Variants in LIPI observed in about 807,000 individuals in gnomAD.
LIPI encodes the protein lipase I, also known as lipase member I.
Under a neutral mutation model 50.6 loss-of-function variants are expected in LIPI, and 59 were observed. That is an observed-to-expected ratio of 1.16 (90% CI 0.94 to 1.45). The LOEUF (loss-of-function observed/expected upper bound fraction) is 1.45. LIPI is among the 40% of genes most tolerant of loss of function. LIPI has a pLI of 0.00. For missense variants in LIPI, 586 were observed against 536.3 expected (o/e 1.09, Z -0.92); for synonymous variants, 203 against 178.2 (o/e 1.14, Z -1.11).
chr21:14,138,127 A>G (rs1427733372), intron 9 of LIPI, among the ~76,000 whole-genome samples: 3 of 152,158 alleles, frequency 2.0e-5, no homozygotes. Flanking sequence ...TTTTGGGCAC[A>G]CTAATAGCCC....
chr21:14,140,355 T>A (rs1490438822), intron 9 of LIPI, among the ~76,000 whole-genome samples: 1 of 152,160 alleles, frequency 6.6e-6, no homozygotes, highest in Non-Finnish European at 1.5e-5. Context: ...TTTCTTTCCA[T>A]GTTTCAACTA....
At chr21:14,177,076 T>C (rs1434861797) in intron 4 of LIPI, among the ~76,000 whole-genome samples, 1 of 152,160 alleles carries the variant, frequency 6.6e-6, no homozygotes, top group South Asian at 2.1e-4. Flanking sequence ...ACTATGATTG[T>C]GTAGTTGCCT....
intron 9 of LIPI, among the ~76,000 whole-genome samples, chr21:14,120,532 A>G (rs2822418): frequency 0.011 from 1,626 of 152,324 alleles, 73 homozygotes; most frequent in East Asian, 0.078. Context: ...TTCCACTGTA[A>G]GGGACATCAA....
At chr21:14,174,363 C>T (rs2019019158) in intron 4 of LIPI, among the ~76,000 whole-genome samples, 2 of 151,854 alleles carry the variant, frequency 1.3e-5, no homozygotes, top group South Asian at 4.2e-4. Context: ...AGAAAAAGAA[C>T]ATTAAACATA....
chr21:14,139,086 G>C (rs2017610528), intron 9 of LIPI, among the ~76,000 whole-genome samples: 1 of 152,048 alleles, frequency 6.6e-6, no homozygotes, highest in South Asian at 2.1e-4. Context: ...TTTCTGCTAT[G>C]TCTCTGAAGT....
intron 4 of LIPI, among the ~76,000 whole-genome samples, chr21:14,171,569 A>G (rs1057122203): frequency 1.3e-5 from 2 of 150,732 alleles, no homozygotes; most frequent in Admixed American, 1.3e-4. Flanking sequence ...CCGCATATCT[A>G]CAACTATCTG....
chr21:14,154,383 CA>C (rs1233497937), intron 7 of LIPI, among the ~76,000 whole-genome samples: 5 of 150,652 alleles, frequency 3.3e-5, no homozygotes, highest in African/African-American at 1.2e-4. Context: ...TCAGGAAAGA[CA>C]AAAAAAGAAA....
chr21:14,153,252 A>G (rs2018160846), intron 7 of LIPI, among the ~76,000 whole-genome samples: 1 of 152,176 alleles, frequency 6.6e-6, no homozygotes, highest in South Asian at 2.1e-4. Flanking sequence ...ATATATTGCC[A>G]GGCCTGTACA....
In LIPI at chr21:14,126,062, G is replaced by T. The variant is rs868527084; in HGVS notation, c.1296-16982C>A. Among the ~76,000 whole-genome samples, 8 of 152,222 alleles carry T rather than the reference G, an allele frequency of 5.3e-5. No homozygotes were observed. In the South Asian group the frequency reaches 1.5e-3, roughly 28 times the overall value. On this transcript the variant is annotated intron_variant, in intron 9 of 9. Transcript: ENST00000681601. ...AAAAGGCTGGTGAAGGTGCAGTTTG[G>T]GTTTAGGAGAACGTGGAGCTCTTAC...
At chr21:14,199,457 C>T (rs1291450741) in intron 1 of LIPI, among the ~76,000 whole-genome samples, 1 of 151,888 alleles carries the variant, frequency 6.6e-6, no homozygotes, top group African/African-American at 2.4e-5. Context: ...ATATTATGGA[C>T]ACTTCTATGC....
intron 1 of LIPI, among the ~76,000 whole-genome samples, chr21:14,196,681 C>T (rs371216936): frequency 2.0e-5 from 3 of 152,104 alleles, no homozygotes; most frequent in East Asian, 3.9e-4. Flanking sequence ...AAGTAAAAAT[C>T]TAGGTCTGGT....
At chr21:14,161,594 A>T (rs1176355059) in intron 7 of LIPI, among the ~76,000 whole-genome samples, 1 of 115,478 alleles carries the variant, frequency 8.7e-6, no homozygotes, top group Non-Finnish European at 1.6e-5. Flanking sequence ...ATATCTATAT[A>T]ATATATTAAT....
chr21:14,145,018 G>A (rs1251423096), intron 8 of LIPI, among the ~76,000 whole-genome samples: 3 of 151,956 alleles, frequency 2.0e-5, no homozygotes, highest in Non-Finnish European at 2.9e-5. Context: ...TTCCCTCATA[G>A]AACTATTTTG....
chr21:14,139,889 A>T (rs1360001964), intron 9 of LIPI, among the ~76,000 whole-genome samples: 1 of 152,174 alleles, frequency 6.6e-6, no homozygotes. Flanking sequence ...AACAGCAAAG[A>T]AGGCTGTCAG....
At chr21:14,201,694 T>G (rs1267895147) in intron 1 of LIPI, among the ~76,000 whole-genome samples, 2 of 152,114 alleles carry the variant, frequency 1.3e-5, no homozygotes, top group Non-Finnish European at 2.9e-5. Context: ...CTCAAAATAA[T>G]AAGAGCTATC....
At chr21:14,132,698 A>G (rs1471103602) in intron 9 of LIPI, among the ~76,000 whole-genome samples, 2 of 152,126 alleles carry the variant, frequency 1.3e-5, no homozygotes, top group Non-Finnish European at 2.9e-5. Flanking sequence ...GCAACACTAC[A>G]GAATCTCATA....
At chr21:14,151,424 T>A (rs1046097325) in intron 8 of LIPI, among the ~76,000 whole-genome samples, 3 of 152,206 alleles carry the variant, frequency 2.0e-5, no homozygotes, top group Admixed American at 2.0e-4. Context: ...CTACCTATAC[T>A]GTGACAGCAG....
chr21:14,154,165 T>C (rs1426528176), intron 7 of LIPI, among the ~76,000 whole-genome samples: 1 of 127,672 alleles, frequency 7.8e-6, no homozygotes, highest in Non-Finnish European at 1.8e-5. Flanking sequence ...AAAATAACAA[T>C]ATAAAAAAAT....
At position 14,189,438 on chromosome 21, in the gene LIPI, A is replaced by T. The variant is rs747190682; in HGVS notation, c.47-19T>A. Reference sequence around the variant, plus strand: ...TTATTATCTGAAATAAGAAAATGTCAGTCAAGCTGAGTACTGGGATAGTAT... The same window carrying T: ...TTATTATCTGAAATAAGAAAATGTCTGTCAAGCTGAGTACTGGGATAGTAT... On this transcript the variant is annotated intron_variant, in intron 1 of 9. Coordinates refer to ENST00000681601, the MANE Select transcript of LIPI (RefSeq NM_001302998.2). 3.7e-6 allele frequency: 6 copies of T among 1,604,834 alleles called. No homozygotes were observed. Among genetic ancestry groups the T allele is most frequent in the Non-Finnish European group, 5.1e-6 (6 of 1,172,320 alleles).
Sources: gnomAD v4.1 joint callset for allele counts (sites outside exome capture counted in the v4.1 genomes callset) on GRCh38, gnomAD v4.1.1 for gene constraint, MANE v1.5 for transcripts, NCBI Gene and HGNC (gene_info 2026-07-23, HGNC 2026-07-21) for gene names.